KRT5: variants seen among roughly 807,000 people sequenced by gnomAD.
KRT5 encodes the protein keratin, type II cytoskeletal 5.
KRT5 carries 17 observed loss-of-function variants against 44.0 expected under a neutral mutation model. That is an observed-to-expected ratio of 0.39 (90% CI 0.26 to 0.58). The LOEUF (loss-of-function observed/expected upper bound fraction) is 0.58, where lower values mean the gene tolerates loss of function less well. KRT5 is among the 20% of genes least tolerant of loss of function. The probability of loss-of-function intolerance (pLI) is 0.61; values close to 1 mark genes in which losing one functional copy is unlikely to be tolerated. For missense variants in KRT5, 737 were observed against 785.5 expected, an observed-to-expected ratio of 0.94 and a Z score of 0.74; for synonymous variants, 329 against 312.8, an observed-to-expected ratio of 1.05 and a Z score of -0.55.
chr12:52,520,175 C>T lies in KRT5; in HGVS notation c.122G>A (p.Gly41Asp), dbSNP rs1170652770. 6.2e-7 allele frequency: 1 copy of T among 1,613,840 alleles called. No homozygotes were observed. Among genetic ancestry groups the T allele is most frequent in the East Asian group, 2.2e-5 (1 of 44,894 alleles). Reference protein sequence around the residue: ...SFTSVSRSGGGGGGGFGRVSL... With the variant: ...SFTSVSRSGGDGGGGFGRVSL... ...GACCCTGCCGAAGCCACCACCACCG[C>T]CACCCCCGGACCGGGACACGGAGGT... is the stretch of plus-strand genomic sequence containing the variant. Residue 41 changes from glycine to aspartate, a missense_variant, in exon 1 of 9, where the codon GGC becomes GAC. By Grantham distance (94) the Gly-to-Asp change is moderately conservative. Around this residue, in one of 5 missense-constraint regions of KRT5, gnomAD observed 326 missense variants for 333.1 expected, o/e 0.98. Transcript: ENST00000252242.
intron 2 of KRT5, chr12:52,518,497 T>TA (rs56359703): frequency 0.018 from 7,002 of 389,664 alleles, 1 homozygote; most frequent in East Asian, 0.023. Context: ...TCAGAGGCTT[T>TA]AAAAAAAAAA....
intron 1 of KRT5, 98 bp downstream of exon 1, chr12:52,519,643 TA>T: frequency 8.0e-7 from 1 of 1,246,546 alleles, no homozygotes; most frequent in Non-Finnish European, 1.2e-6. Flanking sequence ...TGTACAACTA[TA>T]AAAGTATTTG....
intron 4 of KRT5, 58 bp downstream of exon 4, chr12:52,517,839 T>TA: frequency 6.2e-7 from 1 of 1,608,980 alleles, no homozygotes; most frequent in Admixed American, 1.7e-5. Context: ...CTCATTGTGA[T>TA]ATGACAACTT....
chr12:52,520,235 G>T lies in KRT5; in HGVS notation c.62C>A (p.Ser21Tyr), dbSNP rs368584130. 1.2e-6 allele frequency: 2 copies of T among 1,613,936 alleles called. No homozygotes were observed. The highest frequency in any genetic ancestry group is 1.7e-6 in the Non-Finnish European group (2 of 1,180,054). ...SGGSRSFSTA[S>Y]AITPSVSRTS... ...GCGGGAGACAGACGGGGTGATGGCAGAGGCGGTGCTGAAGCTACGACTGCC... is the reference window on the plus strand; with the variant it reads ...GCGGGAGACAGACGGGGTGATGGCATAGGCGGTGCTGAAGCTACGACTGCC... Residue 21 changes from serine (S) to tyrosine (Y), a missense_variant, in exon 1 of 9, where the codon TCT becomes TAT. By Grantham distance (144) the Ser-to-Tyr change is moderately radical (BLOSUM62 -2). Around this residue, in one of 5 missense-constraint regions of KRT5, gnomAD observed 326 missense variants for 333.1 expected, o/e 0.98. Transcript: ENST00000252242.
Position 52,517,451 on chromosome 12 carries a change from T to C in KRT5, c.1092+139A>G, listed in dbSNP as rs1238713947. 8.3e-6 allele frequency: 9 copies of C among 1,078,370 alleles called. No homozygotes were observed. The East Asian group carries it at 1.6e-4, about 20-fold the overall frequency. The allele number at this position is 1,078,370 out of a possible 1,614,324, so 66.8% of individuals were successfully genotyped here. A position where few individuals can be genotyped will look rare whatever the true frequency, so the allele number is the denominator to read the frequency against. ...CAGGTCCTTGGGTTTAGATGGAAAT[T>C]GTCTACACAGCCATTCCTATAAAGC... On this transcript the variant is annotated intron_variant, in intron 5 of 8. Transcript: ENST00000252242.
At position 52,517,602 on chromosome 12, in the gene KRT5, C is replaced by T. The variant is rs771026976; in HGVS notation, c.1080G>A (p.Trp360Ter). 1 of 1,614,124 alleles carries T rather than the reference C, an allele frequency of 6.2e-7. No individual in the cohort carries two copies. The highest frequency in any genetic ancestry group is 8.5e-7 in the Non-Finnish European group (1 of 1,180,018). Residue 360 changes from tryptophan (W) to a stop codon, truncating the protein, a stop_gained, in exon 5 of 9, where the codon TGG becomes TGA. Transcript: ENST00000252242. LOFTEE classifies it high-confidence loss of function. ...TCAGAGCACCCACCTTGGTCTGATA[C>T]CAGGACTCGGCTTCTGTCCGGCTGC... ...ANRSRTEAESWYQTKYEELQQ... is the reference protein window; with the variant it reads ...ANRSRTEAES
Position 52,520,254 on chromosome 12 carries a change from G to T in KRT5, c.43C>A (p.Arg15Ser). 6.2e-7 allele frequency: 1 copy of T among 1,613,848 alleles called. No individual in the cohort carries two copies. The highest frequency in any genetic ancestry group is 8.5e-7 in the Non-Finnish European group (1 of 1,180,030). Residue 15 changes from arginine to serine, a missense_variant, in exon 1 of 9, where the codon CGT becomes AGT. By Grantham distance (110) the Arg-to-Ser change is moderately radical. This residue lies in a region of KRT5 where 326 missense variants were observed against 333.1 expected (regional missense o/e 0.98). Coordinates refer to ENST00000252242, the MANE Select transcript of KRT5 (RefSeq NM_000424.4). ...ATGGCAGAGGCGGTGCTGAAGCTAC[G>T]ACTGCCCCCGCTCCGGAAGGACACA... is the stretch of plus-strand genomic sequence containing the variant. ...SSVSFRSGGS[R>S]SFSTASAITP...
intron 1 of KRT5, among the ~76,000 whole-genome samples, 177 bp from the exon 2 acceptor site, chr12:52,519,337 G>A (rs375737209): frequency 6.6e-6 from 1 of 152,234 alleles, no homozygotes; most frequent in East Asian, 1.9e-4. Flanking sequence ...TTTTCCAGGG[G>A]GAGATAGGAC....
chr12:52,514,948 CT>C lies in KRT5; in HGVS notation c.1766del (p.Lys589ArgfsTer38). Reference sequence around the variant, plus strand: ...AGTGACTTGCAGCAGGTTCTTAGCTCTTGAAGCTCTTCCGGGAGGAGGAGGT... The same window carrying C: ...AGTGACTTGCAGCAGGTTCTTAGCTCTGAAGCTCTTCCGGGAGGAGGAGGT... ...STTSSSRKSF[K>X]S On this transcript the variant is annotated frameshift_variant, in exon 9 of 9. Transcript: ENST00000252242. LOFTEE classifies it high-confidence loss of function. 1 of 1,613,622 alleles carries C rather than the reference CT, an allele frequency of 6.2e-7. No individual in the cohort carries two copies. Among genetic ancestry groups the C allele is most frequent in the Non-Finnish European group, 8.5e-7 (1 of 1,179,898 alleles).
In KRT5 at chr12:52,514,926, G is replaced by C; in HGVS notation, c.*16C>G. On this transcript the variant is annotated 3_prime_UTR_variant, in exon 9 of 9. Coordinates refer to ENST00000252242, the MANE Select transcript of KRT5 (RefSeq NM_000424.4). Reference sequence around the variant, plus strand: ...TGGGTTGCTGCACTTGGAAGGCAGTGACTTGCAGCAGGTTCTTAGCTCTTG... The same window carrying C: ...TGGGTTGCTGCACTTGGAAGGCAGTCACTTGCAGCAGGTTCTTAGCTCTTG... 6.2e-7 allele frequency: 1 copy of C among 1,609,342 alleles called. No individual in the cohort carries two copies. Among genetic ancestry groups the C allele is most frequent in the East Asian group, 2.2e-5 (1 of 44,868 alleles).
chr12:52,517,470 A>G lies in KRT5; in HGVS notation c.1092+120T>C, dbSNP rs552328078. 473 of 1,179,882 alleles carry G rather than the reference A, an allele frequency of 4.0e-4. 1 individual carries two copies. Among genetic ancestry groups the G allele is most frequent in the Non-Finnish European group, 5.6e-4 (447 of 795,296 alleles). The allele number at this position is 1,179,882 out of a possible 1,614,324, so 73.1% of individuals were successfully genotyped here. On this transcript the variant is annotated intron_variant, in intron 5 of 8. Transcript: ENST00000252242. ...GGAAATTGTCTACACAGCCATTCCTATAAAGCATCCCAATGGGCTTCAGCA... is the reference window on the plus strand; with the variant it reads ...GGAAATTGTCTACACAGCCATTCCTGTAAAGCATCCCAATGGGCTTCAGCA...
chr12:52,519,816 T>G lies in KRT5; in HGVS notation c.481A>C (p.Ile161Leu). ...TPLNLQIDPSIQRVRTEEREQ... is the reference protein window; with the variant it reads ...TPLNLQIDPSLQRVRTEEREQ... ...CGCTCCTCGGTCCTCACCCTCTGGA[T>G]GCTGGGGTCGATTTGCAGGTTGAGG... The change falls in exon 1 of 9, where the codon ATC becomes CTC. Residue 161 changes from isoleucine (I) to leucine (L), a missense_variant. By Grantham distance (5) the Ile-to-Leu change is conservative. Coordinates refer to ENST00000252242, the MANE Select transcript of KRT5 (RefSeq NM_000424.4). 18 of 1,614,078 alleles carry G rather than the reference T, an allele frequency of 1.1e-5. No homozygotes were observed. Among genetic ancestry groups the G allele is most frequent in the Non-Finnish European group, 1.4e-5 (17 of 1,180,008 alleles).
Position 52,516,876 on chromosome 12 carries a change from A to G in KRT5, c.1219-19T>C. On this transcript the variant is annotated intron_variant, in intron 6 of 8. Transcript: ENST00000252242. The stretch of plus-strand genomic sequence containing the variant: ...TGGCGCACTACAGATAGAAAGGAGG[A>G]GAGTGGGGTTGCTTGGGACCTGAGG... The G allele has an allele frequency of 6.2e-7, 1 of 1,613,642 alleles. No homozygotes were observed.
chr12:52,518,509 G>T (rs778800374), intron 2 of KRT5: 26 of 542,482 alleles, frequency 4.8e-5, no homozygotes, highest in Non-Finnish European at 9.0e-5. Flanking sequence ...AAAAAAAAAA[G>T]AAAAGAAACA....
At chr12:52,517,335 G>C in intron 5 of KRT5, 103 bp from the exon 6 acceptor site, 1 of 1,445,938 alleles carries the variant, frequency 6.9e-7, no homozygotes, top group Non-Finnish European at 9.6e-7. Context: ...AAATAGTGTG[G>C]GGCTGGTTCA....
Position 52,519,028 on chromosome 12 carries a change from G to C in KRT5, c.688C>G (p.Leu230Val). The stretch of plus-strand genomic sequence containing the variant: ...CCCCGTTCCCCCACGATGCTGTCCA[G>C]CTGCCTCCTGAGGTTGTTGATGTAC... ...EQYINNLRRQ[L>V]DSIVGERGRL... is the part of the protein sequence containing the mutation. The change falls in exon 2 of 9, where the codon CTG becomes GTG. Residue 230 changes from leucine (L) to valine (V), a missense_variant. Physicochemically the swap from Leu to Val is conservative, Grantham distance 32 (BLOSUM62 1). Around this residue, in one of 5 missense-constraint regions of KRT5, gnomAD observed 326 missense variants for 333.1 expected, o/e 0.98. Transcript: ENST00000252242. 2 of 1,614,184 alleles carry C rather than the reference G, an allele frequency of 1.2e-6. No homozygotes were observed. The highest frequency in any genetic ancestry group is 1.7e-6 in the Non-Finnish European group (2 of 1,180,038).
intron 2 of KRT5, chr12:52,518,443 A>G (rs1190609851): frequency 4.8e-6 from 3 of 626,444 alleles, no homozygotes; most frequent in African/African-American, 1.8e-5. Context: ...TTTCTCCCCA[A>G]CTGCATTACC....
chr12:52,518,544 C>A, intron 2 of KRT5: 1 of 542,554 alleles, frequency 1.8e-6, no homozygotes, highest in South Asian at 1.6e-5. Flanking sequence ...ATCCTAGTTG[C>A]TGGTTCATAA....
At chr12:52,516,007 A>G in intron 7 of KRT5, 175 bp from the exon 8 acceptor site, 1 of 647,544 alleles carries the variant, frequency 1.5e-6, no homozygotes, top group East Asian at 2.7e-5. Context: ...TTTCCAATGA[A>G]GAGGGATTGA....
Sources: allele counts gnomAD v4.1 joint callset (sites outside exome capture counted in the v4.1 genomes callset), GRCh38; gene constraint gnomAD v4.1.1; regional missense constraint gnomAD v4.1.1; transcripts MANE v1.5; gene names NCBI Gene and HGNC (gene_info 2026-07-23, HGNC 2026-07-21).